The following DDX54 variants were observed in gnomAD, a reference collection of about 807,000 sequenced individuals.
The protein encoded by DDX54 is ATP-dependent RNA helicase DDX54.
DDX54 carries 67 observed loss-of-function variants against 105.5 expected under a neutral mutation model. The observed-to-expected ratio is 0.64, with a 90% CI of 0.52 to 0.78. The LOEUF is 0.78. Among genes scored for constraint, DDX54 ranks in the 30% least tolerant of loss-of-function variants. DDX54 has a pLI of 0.00. For synonymous variants in DDX54, 514 were observed against 509.9 expected, an observed-to-expected ratio of 1.01 and a Z score of -0.11; for missense variants, 1,206 against 1,230.5, an observed-to-expected ratio of 0.98 and a Z score of 0.30.
rs138108650 is a variant in DDX54, at chr12:113,160,022, C to T, written c.2414-913G>A. Among the ~76,000 whole-genome samples, 887 of 152,300 alleles carry T rather than the reference C, an allele frequency of 5.8e-3. 7 individuals carry two copies. Among genetic ancestry groups the T allele is most frequent in the African/African-American group, 0.02 (824 of 41,568 alleles). The stretch of plus-strand genomic sequence containing the variant: ...GAAGAACAGCTGCTTTTTCCCAAAG[C>T]CCACAGGTCGCCCCCGTCTCCCCAG... On this transcript the variant is annotated intron_variant, in intron 19 of 19. Transcript: ENST00000306014.
intron 12 of DDX54, among the ~76,000 whole-genome samples, chr12:113,167,167 A>C (rs759251619): frequency 2.5e-4 from 38 of 152,168 alleles, no homozygotes; most frequent in Non-Finnish European, 5.0e-4. Flanking sequence ...GCTTGAGTGC[A>C]GGAGTTCAAT....
At chr12:113,161,481 C>A in intron 18 of DDX54, 99 bp from the exon 19 acceptor site, 1 of 958,776 alleles carries the variant, frequency 1.0e-6, no homozygotes. Flanking sequence ...ATCCCAGCCG[C>A]AGCTGAAGCT....
rs548017595 is a variant in DDX54, at chr12:113,180,853, C to T, written c.304+76G>A. On this transcript the variant is annotated intron_variant, in intron 2 of 19. Transcript: ENST00000306014. ...ACAGTGCTGGGCCCAGAGTGGACAT[C>T]AGTGATGGAGTGCAGAGGCGGGGTT... is the stretch of plus-strand genomic sequence containing the variant. 238 of 1,597,482 alleles carry T rather than the reference C, an allele frequency of 1.5e-4. 3 individuals are homozygous for T. The Middle Eastern group carries it at 2.3e-3, about 16-fold the overall frequency.
Position 113,157,751 on chromosome 12 carries a change from T to C in DDX54, c.*1126A>G, listed in dbSNP as rs1952150065. On this transcript the variant is annotated 3_prime_UTR_variant, in exon 20 of 20. Transcript: ENST00000306014. ...GAGATAGGAGGGCCCACATTTCCAA[T>C]GGGGTGTGGACTGAGTGGCTCTTCC... is the stretch of plus-strand genomic sequence containing the variant. 4.0e-6 allele frequency: 5 copies of C among 1,246,144 alleles called. No individual in the cohort carries two copies. The highest frequency in any genetic ancestry group is 5.7e-6 in the Non-Finnish European group (5 of 874,374). The allele number at this position is 1,246,144 out of a possible 1,614,324, so 77.2% of individuals were successfully genotyped here.
At chr12:113,180,807 G>T in intron 2 of DDX54, 122 bp downstream of exon 2, 1 of 1,511,642 alleles carries the variant, frequency 6.6e-7, no homozygotes, top group Non-Finnish European at 8.9e-7. Flanking sequence ...GACCACATCT[G>T]CTACCCCGGT....
chr12:113,163,135 C>G lies in DDX54; in HGVS notation c.2078G>C (p.Arg693Pro). Residue 693 changes from arginine to proline, a missense_variant, in exon 16 of 20, where the codon CGG becomes CCG. Coordinates refer to ENST00000306014, the MANE Select transcript of DDX54 (RefSeq NM_024072.4). This position sits in a 1 kb window ranked among gnomAD's most constrained non-coding sequence, Gnocchi z 5.9. Reference sequence around the variant, plus strand: ...CAGGACCCAGCCAGCCACTCACCCCCGCTCGCTGTCAAAGTCCTTGGGCCG... The same window carrying G: ...CAGGACCCAGCCAGCCACTCACCCCGGCTCGCTGTCAAAGTCCTTGGGCCG... ...PYRPKDFDSE[R>P]GLSISGEGGA... 1.2e-6 allele frequency: 2 copies of G among 1,612,920 alleles called. No homozygotes were observed. Among genetic ancestry groups the G allele is most frequent in the East Asian group, 2.2e-5 (1 of 44,874 alleles).
chr12:113,175,788 CAA>C (rs1287469257), intron 7 of DDX54, among the ~76,000 whole-genome samples: 4 of 123,248 alleles, frequency 3.2e-5, no homozygotes, highest in Non-Finnish European at 1.7e-5. Flanking sequence ...GACTCCGTCT[CAA>C]AAAAAAAAAA....
chr12:113,159,284 G>A, intron 19 of DDX54, 175 bp from the exon 20 acceptor site: 1 of 682,742 alleles, frequency 1.5e-6, no homozygotes, highest in Non-Finnish European at 2.3e-6. Context: ...TCATGGAGTG[G>A]TCAATAACAC....
chr12:113,173,038 T>C (rs1156461151), intron 10 of DDX54, among the ~76,000 whole-genome samples: 1 of 152,212 alleles, frequency 6.6e-6, no homozygotes, highest in Non-Finnish European at 1.5e-5. Context: ...GTGCTAGCTG[T>C]TCTTTACAGA....
Position 113,158,708 on chromosome 12 carries a change from C to T in DDX54, c.*169G>A, listed in dbSNP as rs564380412. ...CAAATGTCTCTGTCTTAGGCTGACG[C>T]AGCTGCTGCCCTTCTGTGGCCATAC... is the stretch of plus-strand genomic sequence containing the variant. On this transcript the variant is annotated 3_prime_UTR_variant, in exon 20 of 20. Transcript: ENST00000306014. The surrounding 1 kb of genome is among the most constrained non-coding windows in gnomAD (Gnocchi z 4.9). 2.7e-6 allele frequency: 2 copies of T among 732,954 alleles called. No individual in the cohort carries two copies. Among genetic ancestry groups the T allele is most frequent in the Non-Finnish European group, 4.3e-6 (2 of 462,920 alleles). 45.4% of individuals were successfully genotyped at this position (732,954 alleles called of 1,614,324 possible). A position where few individuals can be genotyped will look rare whatever the true frequency, so the allele number is the denominator to read the frequency against.
chr12:113,174,150 G>C (rs1369317532), intron 10 of DDX54, among the ~76,000 whole-genome samples: 9 of 150,926 alleles, frequency 6.0e-5, no homozygotes. Context: ...CTGCACTCCA[G>C]CCTGGGCGAC....
At chr12:113,165,582 ATC>A in intron 14 of DDX54, 60 bp downstream of exon 14, 1 of 1,505,216 alleles carries the variant, frequency 6.6e-7, no homozygotes, top group African/African-American at 1.4e-5. Context: ...GCCACAGGCC[ATC>A]TGTCTCTGGG....
chr12:113,161,839 C>T, intron 18 of DDX54, 54 bp downstream of exon 18: 2 of 910,174 alleles, frequency 2.2e-6, no homozygotes, highest in South Asian at 1.4e-5. Flanking sequence ...ATTGAAGCTG[C>T]TCCTGCTGAA....
intron 11 of DDX54, among the ~76,000 whole-genome samples, chr12:113,170,110 G>T (rs1952319750): frequency 6.6e-6 from 1 of 152,200 alleles, no homozygotes; most frequent in Non-Finnish European, 1.5e-5. Context: ...TGCTCTGGGA[G>T]ACTAGCAAAA....
At chr12:113,173,078 C>T (rs532268404) in intron 10 of DDX54, among the ~76,000 whole-genome samples, 7 of 152,272 alleles carry the variant, frequency 4.6e-5, no homozygotes, top group South Asian at 4.1e-4. Flanking sequence ...TGGTGGCTCA[C>T]GCCTGTAATC....
intron 1 of DDX54, among the ~76,000 whole-genome samples, chr12:113,184,888 C>T (rs1179503146): frequency 6.6e-6 from 1 of 152,228 alleles, no homozygotes; most frequent in Non-Finnish European, 1.5e-5. Context: ...TCAAGCCACG[C>T]AGTCTGGCCT....
At chr12:113,173,294 T>C (rs1593004594) in intron 10 of DDX54, among the ~76,000 whole-genome samples, 1 of 152,020 alleles carries the variant, frequency 6.6e-6, no homozygotes, top group East Asian at 1.9e-4. Context: ...GAGGCAGAGG[T>C]TGCAGTAAGC....
At position 113,169,838 on chromosome 12, in the gene DDX54, T is replaced by C. The variant is rs1952315819; in HGVS notation, c.1346A>G (p.Tyr449Cys). Reference protein sequence around the residue: ...YSLVAPDEIPYLLDLHLFLGR... With the variant: ...YSLVAPDEIPCLLDLHLFLGR... ...CAGGAACAGGTGCAGATCCAGCAGG[T>C]AGGGGATTTCATCAGGGGCCACCAA... The change falls in exon 12 of 20, where the codon TAC becomes TGC. Residue 449 changes from tyrosine to cysteine, a missense_variant. This residue lies in a region of DDX54 where 961 missense variants were observed against 1,019.1 expected (regional missense o/e 0.94). Transcript: ENST00000306014. 1 of 1,613,714 alleles carries C rather than the reference T, an allele frequency of 6.2e-7. No homozygotes were observed. Among genetic ancestry groups the C allele is most frequent in the Non-Finnish European group, 8.5e-7 (1 of 1,179,974 alleles).
At position 113,179,250 on chromosome 12, in the gene DDX54, G is replaced by A. The variant is rs1360649813; in HGVS notation, c.457C>T (p.Pro153Ser). The A allele has an allele frequency of 2.5e-6, 4 of 1,614,000 alleles. No individual in the cohort carries two copies. Among genetic ancestry groups the A allele is most frequent in the East Asian group, 2.2e-5 (1 of 44,892 alleles). ...GSGKTACFLL[P>S]MFERLKTHSA... ...TGGGTCTTGAGCCGCTCGAACATTGGGAGGAGGAAGCAGGCTGTCTTGCCA... is the reference window on the plus strand; with the variant it reads ...TGGGTCTTGAGCCGCTCGAACATTGAGAGGAGGAAGCAGGCTGTCTTGCCA... The change falls in exon 4 of 20, where the codon CCA becomes TCA. Residue 153 changes from proline to serine, a missense_variant. Physicochemically the swap from Pro to Ser is moderately conservative, Grantham distance 74. Around this residue, in one of 3 missense-constraint regions of DDX54, gnomAD observed 961 missense variants for 1,019.1 expected, o/e 0.94. Transcript: ENST00000306014.
Sources: allele counts gnomAD v4.1 joint callset (sites outside exome capture counted in the v4.1 genomes callset), GRCh38; gene constraint gnomAD v4.1.1; regional missense constraint gnomAD v4.1.1; non-coding constraint Gnocchi (gnomAD v3.1); transcripts MANE v1.5; gene names NCBI Gene and HGNC (gene_info 2026-07-23, HGNC 2026-07-21).